Variants in HDX observed in about 807,000 individuals in gnomAD.
HDX encodes the protein highly divergent homeobox.
HDX carries 19 observed loss-of-function variants against 45.2 expected under a neutral mutation model. The ratio of observed to expected loss-of-function variants is 0.42; its 90% CI spans 0.29 to 0.62. The LOEUF (loss-of-function observed/expected upper bound fraction) is 0.62. Ranked by LOEUF, HDX falls within the 20% of genes least tolerant of loss-of-function variation. The pLI is 0.20. For synonymous variants in HDX, 188 were observed against 172.8 expected (o/e 1.09, Z -0.69); for missense variants, 532 against 493.9 (o/e 1.08, Z -0.73).
At chrX:84,427,822 A>G (rs1345803622) in intron 5 of HDX, among the ~76,000 whole-genome samples, 2 of 111,189 alleles carry the variant, frequency 1.8e-5, no homozygotes, top group African/African-American at 6.5e-5. Context: ...AATACATATC[A>G]GTAGAATAGC....
intron 7 of HDX, among the ~76,000 whole-genome samples, chrX:84,339,750 T>C (rs1173882056): frequency 2.7e-5 from 3 of 111,226 alleles, no homozygotes; most frequent in African/African-American, 9.8e-5. Context: ...ACTAAGTAAC[T>C]GTATAATTAT....
chrX:84,359,909 A>C (rs1159142456), intron 6 of HDX, among the ~76,000 whole-genome samples: 1 of 112,389 alleles, frequency 8.9e-6, no homozygotes, highest in African/African-American at 3.2e-5. Flanking sequence ...AAGTAATTGC[A>C]ACAAAAGCAA....
At chrX:84,367,841 G>C in intron 5 of HDX, among the ~76,000 whole-genome samples, 4 of 111,404 alleles carry the variant, frequency 3.6e-5, no homozygotes, top group Admixed American at 2.9e-4. Context: ...TCACACCACT[G>C]AGGCCTGTTG....
At chrX:84,497,915 C>G (rs2041040771) in intron 1 of HDX, among the ~76,000 whole-genome samples, 1 of 111,241 alleles carries the variant, frequency 9.0e-6, no homozygotes, top group Admixed American at 9.6e-5. Flanking sequence ...GCACCATACA[C>G]TAATATTTGC....
At chrX:84,352,504 T>C (rs1363566549) in intron 6 of HDX, among the ~76,000 whole-genome samples, 1 of 111,710 alleles carries the variant, frequency 9.0e-6, no homozygotes, top group Non-Finnish European at 1.9e-5. Context: ...TTTTTGTAGG[T>C]ATATATTAGG....
At chrX:84,475,847 C>A (rs999763200) in intron 2 of HDX, among the ~76,000 whole-genome samples, 2 of 111,374 alleles carry the variant, frequency 1.8e-5, no homozygotes, top group Non-Finnish European at 3.8e-5. Context: ...TACTCTGGAA[C>A]AAAAGGGTGC....
chrX:84,363,184 A>T (rs1166879098), intron 5 of HDX, among the ~76,000 whole-genome samples: 1 of 112,070 alleles, frequency 8.9e-6, no homozygotes, highest in East Asian at 2.8e-4. Context: ...AAGTTTTTTT[A>T]AATTAAGAAG....
At chrX:84,459,925 T>C (rs1384048721) in intron 4 of HDX, among the ~76,000 whole-genome samples, 1 of 110,976 alleles carries the variant, frequency 9.0e-6, no homozygotes, top group Non-Finnish European at 1.9e-5. Context: ...TGCCAATAAC[T>C]TGGAAAACCT....
At chrX:84,425,141 CA>C (rs976455081) in intron 5 of HDX, among the ~76,000 whole-genome samples, 5 of 110,580 alleles carry the variant, frequency 4.5e-5, no homozygotes, top group African/African-American at 1.3e-4. Flanking sequence ...ATAATCTGAA[CA>C]AAAAAATGGC....
rs1258336559 is a variant in HDX, at chrX:84,320,124, C to T, written c.*1765G>A. ...TTTCTAACTTCGTTGTATATGGGGG[C>T]GACTCTTCATCTCATGGAGGAGTTG... is the stretch of plus-strand genomic sequence containing the variant. On this transcript the variant is annotated 3_prime_UTR_variant, in exon 11 of 11. Transcript: ENST00000373177. 9.0e-6 allele frequency: 1 copy of T among 110,874 alleles called. No individual in the cohort carries two copies. 9.1% of individuals were successfully genotyped at this position (110,874 alleles called of 1,213,427 possible).
At position 84,468,513 on chromosome X, in the gene HDX, A is replaced by G. The variant is rs998964102; in HGVS notation, c.1210T>C (p.Ser404Pro). ...RSNFSPHFAS[S>P]NQLRLSQNQN... ...TTTTGTGATAATCTCAATTGGTTTG[A>G]TGATGCAAAATGAGGAGAAAAATTA... The change falls in exon 4 of 11, where the codon TCA becomes CCA. Residue 404 changes from serine (S) to proline (P), a missense_variant. By Grantham distance (74) the Ser-to-Pro change is moderately conservative. Coordinates refer to ENST00000373177, the MANE Select transcript of HDX (RefSeq NM_001177479.2). 16 of 1,167,646 alleles carry G rather than the reference A, an allele frequency of 1.4e-5. No homozygotes were observed. The highest frequency in any genetic ancestry group is 1.9e-5 in the Non-Finnish European group (16 of 860,824).
chrX:84,406,943 A>T (rs899854221), intron 5 of HDX, among the ~76,000 whole-genome samples: 1 of 111,373 alleles, frequency 9.0e-6, no homozygotes, highest in East Asian at 2.8e-4. Flanking sequence ...TGAAAAAAAA[A>T]CACTTTATTA....
rs1328026594 is a variant in HDX at position 84,318,884 on chromosome X, A to G, written c.*3005T>C. On this transcript the variant is annotated 3_prime_UTR_variant, in exon 11 of 11. Coordinates refer to ENST00000373177, the MANE Select transcript of HDX (RefSeq NM_001177479.2). ...CAAAACATCCCCAGTTTCCATGAAG[A>G]GGCCAATTTTCTTTTAAGGTTTTCT... The G allele has an allele frequency of 9.0e-6, 1 of 111,399 alleles. No homozygotes were observed. Among genetic ancestry groups the G allele is most frequent in the Non-Finnish European group, 1.9e-5 (1 of 52,646 alleles). 9.2% of individuals were successfully genotyped at this position (111,399 alleles called of 1,213,427 possible). A position where few individuals can be genotyped will look rare whatever the true frequency, so the allele number is the denominator to read the frequency against.
chrX:84,319,119 G>GA lies in HDX; in HGVS notation c.*2769dup, dbSNP rs926838518. ...AGCAGACATAGAAATGTAGTTGAAA[G>GA]AAAAAAAGAAGTTTTTTCTTGTTGT... On this transcript the variant is annotated 3_prime_UTR_variant, in exon 11 of 11. Transcript: ENST00000373177. 11 of 110,424 alleles carry GA rather than the reference G, an allele frequency of 1.0e-4. No individual in the cohort carries two copies. Among genetic ancestry groups the GA allele is most frequent in the Admixed American group, 9.6e-4 (10 of 10,372 alleles). The allele number at this position is 110,424 out of a possible 1,213,427, so 9.1% of individuals were successfully genotyped here.
At chrX:84,336,408 G>A (rs1004187207) in intron 8 of HDX, among the ~76,000 whole-genome samples, 1 of 111,084 alleles carries the variant, frequency 9.0e-6, no homozygotes, top group Admixed American at 9.5e-5. Flanking sequence ...GGAAATTCTT[G>A]CATACATGTG....
intron 1 of HDX, among the ~76,000 whole-genome samples, chrX:84,493,943 C>T (rs1256218736): frequency 1.8e-5 from 2 of 111,369 alleles, no homozygotes; most frequent in Non-Finnish European, 3.8e-5. Context: ...GCACTGCATG[C>T]TTATATCAAA....
At chrX:84,437,416 T>C (rs141570281) in intron 5 of HDX, among the ~76,000 whole-genome samples, 1,601 of 110,955 alleles carry the variant, frequency 0.014, 27 homozygotes, top group African/African-American at 0.051. Flanking sequence ...TACAGGCACA[T>C]ATAATCATGC....
At position 84,406,139 on chromosome X, in the gene HDX, A is replaced by C. The variant is rs888130784; in HGVS notation, c.1305+34393T>G. Reference sequence around the variant, plus strand: ...GCCTAAGTGACTAACTTCAGACTCTATCTGTTCTGCACCATAAGGCCAGAA... The same window carrying C: ...GCCTAAGTGACTAACTTCAGACTCTCTCTGTTCTGCACCATAAGGCCAGAA... On this transcript the variant is annotated intron_variant, in intron 5 of 10. Coordinates refer to ENST00000373177, the MANE Select transcript of HDX (RefSeq NM_001177479.2). 2.3e-4 allele frequency among the ~76,000 whole-genome samples: 25 copies of C among 110,634 alleles called. 1 individual carries two copies. Among genetic ancestry groups the C allele is most frequent in the Non-Finnish European group, 3.8e-5 (2 of 52,835 alleles).
At chrX:84,385,788 A>T (rs1475660740) in intron 5 of HDX, among the ~76,000 whole-genome samples, 3 of 106,703 alleles carry the variant, frequency 2.8e-5, no homozygotes, top group African/African-American at 6.8e-5. Flanking sequence ...GTATAAAATC[A>T]TATCGTCAAC....
Sources: allele counts gnomAD v4.1 joint callset (sites outside exome capture counted in the v4.1 genomes callset), GRCh38; gene constraint gnomAD v4.1.1; transcripts MANE v1.5; gene names NCBI Gene and HGNC (gene_info 2026-07-23, HGNC 2026-07-21).